CD226: variants seen among roughly 807,000 people sequenced by gnomAD.
CD226 encodes CD226 molecule.
CD226 carries 24 observed loss-of-function variants against 34.9 expected under a neutral mutation model. That is an observed-to-expected ratio of 0.69 (90% CI 0.50 to 0.97). The LOEUF is 0.97. CD226 is among the 50% of genes least tolerant of loss of function. CD226 has a pLI of 0.00. For synonymous variants in CD226, 148 were observed against 147.4 expected (o/e 1.00, Z -0.03); for missense variants, 397 against 412.7 (o/e 0.96, Z 0.33).
chr18:69,922,668 C>T (rs563707154), intron 2 of CD226, among the ~76,000 whole-genome samples: 37 of 152,114 alleles, frequency 2.4e-4, no homozygotes, highest in Non-Finnish European at 4.3e-4. Context: ...CTCATCTCTC[C>T]ACAAATCTTA....
chr18:69,858,276 T>C lies in CD226; in HGVS notation c.*6038A>G, dbSNP rs922913330. 6.6e-6 allele frequency: 1 copy of C among 152,064 alleles called. No homozygotes were observed. The highest frequency in any genetic ancestry group is 2.4e-5 in the African/African-American group (1 of 41,398). The allele number at this position is 152,064 out of a possible 1,614,324, so 9.4% of individuals were successfully genotyped here. ...GGGCCTTGAAACATTTATAAAAGGG[T>C]ATATTAAACCCTGCCTTTAAGAAAA... is the stretch of plus-strand genomic sequence containing the variant. On this transcript the variant is annotated 3_prime_UTR_variant, in exon 6 of 6. Coordinates refer to ENST00000582621, the MANE Select transcript of CD226 (RefSeq NM_001303618.2).
chr18:69,895,692 C>T lies in CD226; in HGVS notation c.727+9G>A, dbSNP rs756752605. ...GTTTGATACCAGAAGATGTCTGGTG[C>T]TCACTCACCCTCGGCTACAGTCAAT... On this transcript the variant is annotated intron_variant, in intron 3 of 5. Coordinates refer to ENST00000582621, the MANE Select transcript of CD226 (RefSeq NM_001303618.2). 5 of 1,597,886 alleles carry T rather than the reference C, an allele frequency of 3.1e-6. No individual in the cohort carries two copies. The African/African-American group carries it at 6.7e-5, about 21-fold the overall frequency.
chr18:69,938,436 TA>T (rs1332397956), intron 2 of CD226, among the ~76,000 whole-genome samples: 2 of 152,210 alleles, frequency 1.3e-5, no homozygotes, highest in Non-Finnish European at 2.9e-5. Flanking sequence ...CTTTCTTAGT[TA>T]ACCCCATCCA....
At chr18:69,921,699 T>C (rs1568194116) in intron 2 of CD226, among the ~76,000 whole-genome samples, 1 of 152,202 alleles carries the variant, frequency 6.6e-6, no homozygotes, top group African/African-American at 2.4e-5. Context: ...TTAGTCAGTT[T>C]AAGTAACTGT....
chr18:69,957,965 G>T (rs904157690), upstream of CD226, among the ~76,000 whole-genome samples: 1 of 152,110 alleles, frequency 6.6e-6, no homozygotes, highest in African/African-American at 2.4e-5. Flanking sequence ...AGCCTTTATT[G>T]CTCATCCAAC....
rs1982987286 is a variant in CD226, at chr18:69,864,213, T to C, written c.*101A>G. 1.0e-6 allele frequency: 1 copy of C among 960,266 alleles called. No individual in the cohort carries two copies. Among genetic ancestry groups the C allele is most frequent in the Non-Finnish European group, 1.6e-6 (1 of 632,508 alleles). 59.5% of individuals were successfully genotyped at this position (960,266 alleles called of 1,614,324 possible). On this transcript the variant is annotated 3_prime_UTR_variant, in exon 6 of 6. Transcript: ENST00000582621. ...ATCAAAGTAACTCAATTCAGACAAC[T>C]AGTATCTAAGGTAGACCTTGGGTAG... is the stretch of plus-strand genomic sequence containing the variant.
At position 69,946,748 on chromosome 18, in the gene CD226, T is replaced by C. The variant is rs2145367785; in HGVS notation, c.368A>G (p.Gln123Arg). 1 of 1,610,802 alleles carries C rather than the reference T, an allele frequency of 6.2e-7. No homozygotes were observed. Residue 123 changes from glutamine (Q) to arginine (R), a missense_variant, in exon 2 of 6, where the codon CAG becomes CGG. By Grantham distance (43) the Gln-to-Arg change is conservative. Coordinates refer to ENST00000582621, the MANE Select transcript of CD226 (RefSeq NM_001303618.2). ...YPQGTWQKVI[Q>R]VVQSDSFEAA... Reference sequence around the variant, plus strand: ...CTTGCCCTTACCTGACTGAACCACCTGTATCACCTTCTGCCAAGTTCCCTG... The same window carrying C: ...CTTGCCCTTACCTGACTGAACCACCCGTATCACCTTCTGCCAAGTTCCCTG...
intron 2 of CD226, among the ~76,000 whole-genome samples, chr18:69,923,977 G>T (rs1438973135): frequency 6.6e-6 from 1 of 151,112 alleles, no homozygotes; most frequent in African/African-American, 2.4e-5. Context: ...AAAATCAATG[G>T]AGTATTGTGT....
chr18:69,917,580 T>A (rs1025178024), intron 2 of CD226, among the ~76,000 whole-genome samples: 1 of 152,036 alleles, frequency 6.6e-6, no homozygotes, highest in Non-Finnish European at 1.5e-5. Context: ...AGCTGTTGAC[T>A]TTTTTAAAAA....
chr18:69,945,913 C>CT (rs1409856684), intron 2 of CD226, among the ~76,000 whole-genome samples: 6 of 152,168 alleles, frequency 3.9e-5, no homozygotes, highest in South Asian at 4.2e-4. Context: ...GGGAACTCCT[C>CT]TTTTTTAAAC....
Position 69,909,370 on chromosome 18 carries a change from T to C in CD226, c.383-13325A>G, listed in dbSNP as rs111711355. On this transcript the variant is annotated intron_variant, in intron 2 of 5. Transcript: ENST00000582621. Reference sequence around the variant, plus strand: ...GCCAAATGGAAACCCACACAGCAGCTTTCCCTCCTGGCACCACTCACCCCT... The same window carrying C: ...GCCAAATGGAAACCCACACAGCAGCCTTCCCTCCTGGCACCACTCACCCCT... Among the ~76,000 whole-genome samples the C allele has an allele frequency of 3.7e-3, 558 of 152,306 alleles. 2 individuals are homozygous for C. Among genetic ancestry groups the C allele is most frequent in the African/African-American group, 0.012 (509 of 41,558 alleles).
chr18:69,925,523 C>T (rs1185017063), intron 2 of CD226, among the ~76,000 whole-genome samples: 1 of 152,090 alleles, frequency 6.6e-6, no homozygotes, highest in African/African-American at 2.4e-5. Context: ...TTTTTACTCT[C>T]CCCACTGTTC....
chr18:69,943,145 A>C (rs2145359840), intron 2 of CD226, among the ~76,000 whole-genome samples: 1 of 152,306 alleles, frequency 6.6e-6, no homozygotes, highest in East Asian at 1.9e-4. Context: ...ACCTCCCCAT[A>C]GTGCTTCATA....
intron 3 of CD226, among the ~76,000 whole-genome samples, chr18:69,891,349 C>T (rs2145230925): frequency 6.6e-6 from 1 of 151,858 alleles, no homozygotes; most frequent in South Asian, 2.1e-4. Context: ...ACAATAAAGG[C>T]CATCTATGAA....
In CD226 at chr18:69,896,019, T is replaced by C. The variant is rs1440453615; in HGVS notation, c.409A>G (p.Asn137Asp). Residue 137 changes from asparagine to aspartate, a missense_variant, in exon 3 of 6, where the codon AAT becomes GAT. By Grantham distance (23) the Asn-to-Asp change is conservative. Coordinates refer to ENST00000582621, the MANE Select transcript of CD226 (RefSeq NM_001303618.2). ...CCAGGTTCCGAAACAATGTGGCTAT[T>C]TGATGGCACAGCTGCCTCAAAACTA... ...SDSFEAAVPS[N>D]SHIVSEPGKN... 1 of 1,611,304 alleles carries C rather than the reference T, an allele frequency of 6.2e-7. No homozygotes were observed. Among genetic ancestry groups the C allele is most frequent in the African/African-American group, 1.3e-5 (1 of 75,040 alleles).
upstream of CD226, among the ~76,000 whole-genome samples, chr18:69,957,399 C>T (rs1403222106): frequency 2.0e-5 from 3 of 151,596 alleles, no homozygotes; most frequent in Non-Finnish European, 4.4e-5. Context: ...GTACACAAGT[C>T]GGTGTTTCCT....
intron 2 of CD226, among the ~76,000 whole-genome samples, chr18:69,935,680 G>A (rs1301687709): frequency 6.6e-6 from 1 of 152,158 alleles, no homozygotes; most frequent in Non-Finnish European, 1.5e-5. Flanking sequence ...CTTGATCACT[G>A]AGAGTTGAAG....
chr18:69,946,489 G>A (rs988065371), intron 2 of CD226, among the ~76,000 whole-genome samples: 6 of 152,020 alleles, frequency 3.9e-5, no homozygotes, highest in African/African-American at 1.4e-4. Flanking sequence ...AAAAACCTGT[G>A]CTTTCTTCTA....
chr18:69,908,779 G>A (rs1370677324), intron 2 of CD226, among the ~76,000 whole-genome samples: 1 of 152,124 alleles, frequency 6.6e-6, no homozygotes, highest in African/African-American at 2.4e-5. Flanking sequence ...TCTTGCCTTT[G>A]TCTCCATTCT....
Sources: gnomAD v4.1 joint callset for allele counts (sites outside exome capture counted in the v4.1 genomes callset) on GRCh38, gnomAD v4.1.1 for gene constraint, MANE v1.5 for transcripts, NCBI Gene and HGNC (gene_info 2026-07-23, HGNC 2026-07-21) for gene names.